TARP: variants seen among roughly 807,000 people sequenced by gnomAD.
the TARP span, among the ~76,000 whole-genome samples, chr7:38,270,668 C>T: frequency 6.6e-6 from 1 of 151,352 alleles, no homozygotes; most frequent in Non-Finnish European, 1.5e-5. Context: ...AGGCAAGAGG[C>T]CTGGTCCTCA....
At chr7:38,269,757 C>G in the TARP span, among the ~76,000 whole-genome samples, 1 of 151,980 alleles carries the variant, frequency 6.6e-6, no homozygotes, top group Non-Finnish European at 1.5e-5. Flanking sequence ...TCGCTACCAG[C>G]ACTGAAGTGA....
chr7:38,259,950 T>C, the TARP span: 8 of 813,584 alleles, frequency 9.8e-6, no homozygotes, highest in African/African-American at 3.7e-5. Context: ...AAAACCGTTA[T>C]ACAATAATGA....
chr7:38,265,284 A>G, the TARP span: 7 of 1,245,714 alleles, frequency 5.6e-6, no homozygotes, highest in South Asian at 2.9e-5. Context: ...TTAATACTGA[A>G]AGGAAAAAAT....
At chr7:38,270,911 C>T in the TARP span, among the ~76,000 whole-genome samples, 363 of 151,408 alleles carry the variant, frequency 2.4e-3, 1 homozygote, top group African/African-American at 8.1e-3. Flanking sequence ...AAGTCTTTTT[C>T]CAATCTAGTA....
the TARP span, among the ~76,000 whole-genome samples, chr7:38,267,836 T>C: frequency 2.6e-5 from 4 of 151,538 alleles, no homozygotes. Context: ...AACTAGTGTC[T>C]CTTCATTGAA....
At chr7:38,260,138 A>T in the TARP span, 1 of 1,599,822 alleles carries the variant, frequency 6.3e-7, no homozygotes, top group South Asian at 1.1e-5. Context: ...AGCAGACAGC[A>T]GGTGATGATG....
chr7:38,264,285 A>C, the TARP span, among the ~76,000 whole-genome samples: 1 of 151,840 alleles, frequency 6.6e-6, no homozygotes, highest in Non-Finnish European at 1.5e-5. Context: ...TGCCTTGGGA[A>C]GCTCATGAAA....
the TARP span, among the ~76,000 whole-genome samples, chr7:38,267,553 A>G: frequency 6.6e-6 from 1 of 150,940 alleles, no homozygotes; most frequent in Non-Finnish European, 1.5e-5. Context: ...TTTCATACAA[A>G]ATTAGTAAAC....
the TARP span, chr7:38,260,143 A>G: frequency 4.4e-6 from 7 of 1,601,626 alleles, no homozygotes; most frequent in Non-Finnish European, 1.7e-6. Flanking sequence ...ACAGCAGGTG[A>G]TGATGGCAAA....
chr7:38,269,106 C>T, the TARP span, among the ~76,000 whole-genome samples: 5 of 151,616 alleles, frequency 3.3e-5, no homozygotes, highest in Admixed American at 1.3e-4. Flanking sequence ...CTCCAACACC[C>T]GGGCTCCTTC....
the TARP span, chr7:38,265,731 C>A: frequency 2.2e-6 from 3 of 1,335,840 alleles, no homozygotes; most frequent in African/African-American, 1.6e-5. Flanking sequence ...GAAACACACA[C>A]ATTGCACAGT....
At chr7:38,264,626 T>G in the TARP span, among the ~76,000 whole-genome samples, 1 of 151,118 alleles carries the variant, frequency 6.6e-6, no homozygotes, top group Admixed American at 6.6e-5. Context: ...TAGAATTTAG[T>G]GTAAAGGAAA....
the TARP span, chr7:38,259,771 A>G: frequency 3.8e-6 from 1 of 264,122 alleles, no homozygotes; most frequent in Non-Finnish European, 7.1e-6. Flanking sequence ...ATTAAAGAAC[A>G]CTAAGAGAGG....
chr7:38,262,396 T>C, the TARP span, among the ~76,000 whole-genome samples: 2 of 151,842 alleles, frequency 1.3e-5, no homozygotes, highest in East Asian at 1.9e-4. Context: ...TCATGTATTA[T>C]GTTTTTGCAC....
At chr7:38,271,661 T>TA in the TARP span, among the ~76,000 whole-genome samples, 2 of 151,338 alleles carry the variant, frequency 1.3e-5, no homozygotes, top group Admixed American at 1.3e-4. Context: ...TGGAAAAAAA[T>TA]ATATCCTTTT....
At chr7:38,267,171 A>G in the TARP span, among the ~76,000 whole-genome samples, 2 of 151,672 alleles carry the variant, frequency 1.3e-5, no homozygotes, top group East Asian at 3.9e-4. Context: ...ACTGTTTTAA[A>G]GCTCCATTAT....
chr7:38,261,114 G>A, the TARP span, among the ~76,000 whole-genome samples: 1 of 151,514 alleles, frequency 6.6e-6, no homozygotes, highest in Non-Finnish European at 1.5e-5. Flanking sequence ...ACAAAATGTA[G>A]GTCACTTACA....
chr7:38,262,534 GT>G, the TARP span, among the ~76,000 whole-genome samples: 8 of 151,838 alleles, frequency 5.3e-5, no homozygotes, highest in African/African-American at 1.9e-4. Flanking sequence ...CACAAAGTAT[GT>G]TTTTGATAAA....
chr7:38,264,095 G>C, the TARP span, among the ~76,000 whole-genome samples: 5 of 150,462 alleles, frequency 3.3e-5, no homozygotes, highest in African/African-American at 7.4e-5. Flanking sequence ...TCTCAATCAA[G>C]GTTGGTTGCA....
Sources: gnomAD v4.1 joint callset for allele counts (sites outside exome capture counted in the v4.1 genomes callset) on GRCh38, gnomAD v4.1.1 for gene constraint, MANE v1.5 for transcripts.